The following THSD7A variants were observed in gnomAD, a reference collection of about 807,000 sequenced individuals.
THSD7A encodes thrombospondin type-1 domain-containing protein 7A.
A neutral mutation model predicts 231.3 loss-of-function variants in THSD7A; 96 were observed. The ratio of observed to expected loss-of-function variants is 0.41; its 90% CI spans 0.35 to 0.49. The LOEUF (loss-of-function observed/expected upper bound fraction) is 0.49, where lower values mean the gene tolerates loss of function less well. THSD7A is among the 20% of genes least tolerant of loss of function. The pLI, the probability that THSD7A is intolerant of heterozygous loss-of-function variation, is 0.05. For missense variants in THSD7A, 2,290 were observed against 2,070.2 expected (o/e 1.11, Z -2.06); for synonymous variants, 940 against 743.3 (o/e 1.26, Z -4.30).
Position 11,637,357 on chromosome 7 carries a change from C to T in THSD7A, c.191-396G>A, listed in dbSNP as rs956770825. On this transcript the variant is annotated intron_variant, in intron 1 of 27. Transcript: ENST00000423059. This position sits in a 1 kb window ranked among gnomAD's most constrained non-coding sequence, Gnocchi z 4.2. Reference sequence around the variant, plus strand: ...TTCAGTAACTGGCAAAGAAAATGGCCCCGTGTGAAGAACTTCTCCTGCAGG... The same window carrying T: ...TTCAGTAACTGGCAAAGAAAATGGCTCCGTGTGAAGAACTTCTCCTGCAGG... Among the ~76,000 whole-genome samples the T allele has an allele frequency of 6.6e-6, 1 of 152,120 alleles. No individual in the cohort carries two copies. The highest frequency in any genetic ancestry group is 1.5e-5 in the Non-Finnish European group (1 of 68,022).
chr7:11,487,781 G>A (rs907190859), intron 6 of THSD7A, among the ~76,000 whole-genome samples: 1 of 151,998 alleles, frequency 6.6e-6, no homozygotes, highest in African/African-American at 2.4e-5. Context: ...AACATCATGG[G>A]GGAGACCGAC....
rs2128156142 is a variant in THSD7A at position 11,728,365 on chromosome 7, T to C, written c.191-91404A>G. On this transcript the variant is annotated intron_variant, in intron 1 of 27. Transcript: ENST00000423059. ...AATGTATTGGAGTTTTCCTATACAT[T>C]GATAAAGAGAAGGCAGGAGTATATA... Among the ~76,000 whole-genome samples the C allele has an allele frequency of 1.3e-5, 2 of 152,054 alleles. 1 individual carries two copies. Among genetic ancestry groups the C allele is most frequent in the East Asian group, 3.9e-4 (2 of 5,122 alleles).
rs756964012 is a variant in THSD7A, at chr7:11,417,482, A to G, written c.3505T>C (p.Ser1169Pro). Residue 1169 changes from serine to proline, a missense_variant, in exon 17 of 28, where the codon TCT (serine) becomes CCT (proline). Coordinates refer to ENST00000423059, the MANE Select transcript of THSD7A (RefSeq NM_015204.3). ...CATTGGGTCCATGGACCCCATTCAG[A>G]TATCACACAGTCCTCAGGGCATGGT... ...KLPCPEDCVI[S>P]EWGPWTQCVL... 9.9e-6 allele frequency: 16 copies of G among 1,611,292 alleles called. No individual in the cohort carries two copies. The Admixed American group carries it at 1.5e-4, about 15-fold the overall frequency.
intron 1 of THSD7A, among the ~76,000 whole-genome samples, chr7:11,767,091 AT>A (rs1783054003): frequency 2.0e-5 from 3 of 152,162 alleles, no homozygotes; most frequent in South Asian, 4.1e-4. Context: ...ATGTGCATGT[AT>A]GTTTCTGTGT....
chr7:11,698,087 A>G (rs1780457415), intron 1 of THSD7A, among the ~76,000 whole-genome samples: 1 of 151,402 alleles, frequency 6.6e-6, no homozygotes, highest in Non-Finnish European at 1.5e-5. Context: ...ATCTGCTGGC[A>G]TGTCTGATTC....
At chr7:11,614,882 G>A (rs1001584761) in intron 2 of THSD7A, among the ~76,000 whole-genome samples, 4 of 152,092 alleles carry the variant, frequency 2.6e-5, no homozygotes, top group African/African-American at 9.7e-5. Context: ...GAGACTTTGG[G>A]GAGAAGGTGA....
chr7:11,529,578 A>C (rs1018546528), intron 6 of THSD7A, among the ~76,000 whole-genome samples: 2 of 143,514 alleles, frequency 1.4e-5, no homozygotes, highest in South Asian at 4.7e-4. Context: ...TGATGGTTTT[A>C]AAAGTGTTTG....
chr7:11,441,880 T>A (rs1360661812), intron 13 of THSD7A, among the ~76,000 whole-genome samples: 1 of 151,848 alleles, frequency 6.6e-6, no homozygotes, highest in African/African-American at 2.4e-5. Context: ...ATACCTAATG[T>A]AGACAATAGG....
rs752657368 is a variant in THSD7A, at chr7:11,593,293, G to T, written c.1232C>A (p.Pro411His). The T allele has an allele frequency of 4.3e-6, 7 of 1,613,794 alleles. No homozygotes were observed. The highest frequency in any genetic ancestry group is 1.1e-5 in the South Asian group (1 of 91,080). Residue 411 changes from proline (P) to histidine (H), a missense_variant, in exon 3 of 28, where the codon CCC becomes CAC. Coordinates refer to ENST00000423059, the MANE Select transcript of THSD7A (RefSeq NM_015204.3). ...AACTCCATCTCCTTGAGACAAACAG[G>T]GTTCTTTTTCTTCAAATTCTGGACA... ...KECPEFEEKEPCLSQGDGVVP... is the reference protein window; with the variant it reads ...KECPEFEEKEHCLSQGDGVVP...
chr7:11,577,324 T>A (rs1383357412), intron 4 of THSD7A, among the ~76,000 whole-genome samples: 3 of 152,084 alleles, frequency 2.0e-5, no homozygotes, highest in Non-Finnish European at 4.4e-5. Flanking sequence ...TTTATTTACT[T>A]TTTATTTTTT....
At chr7:11,596,137 C>T (rs911855870) in intron 2 of THSD7A, among the ~76,000 whole-genome samples, 2 of 152,208 alleles carry the variant, frequency 1.3e-5, no homozygotes, top group African/African-American at 2.4e-5. Flanking sequence ...GAGGCTGGGT[C>T]CCCTTGGGGA....
Position 11,593,510 on chromosome 7 carries a change from A to C in THSD7A, c.1023-8T>G, listed in dbSNP as rs781676414. The C allele has an allele frequency of 1.2e-6, 2 of 1,613,456 alleles. No individual in the cohort carries two copies. Among genetic ancestry groups the C allele is most frequent in the Middle Eastern group, 1.7e-4 (1 of 6,060 alleles). ...TTCTCTTGCTGGCAAAAGCTGTAAA[A>C]GAGCATTGATATTCTCATTACAGAC... On this transcript the variant is annotated splice_region_variant and splice_polypyrimidine_tract_variant and intron_variant, in intron 2 of 27. Transcript: ENST00000423059.
At chr7:11,539,825 A>G (rs1489834868) in intron 6 of THSD7A, among the ~76,000 whole-genome samples, 1 of 152,196 alleles carries the variant, frequency 6.6e-6, no homozygotes, top group African/African-American at 2.4e-5. Flanking sequence ...TTAACTTTTT[A>G]GCGTTTTGTT....
intron 16 of THSD7A, among the ~76,000 whole-genome samples, chr7:11,417,889 C>A (rs181192738): frequency 3.4e-4 from 52 of 152,272 alleles, no homozygotes; most frequent in Non-Finnish European, 6.0e-4. Flanking sequence ...GTAAACTCTG[C>A]ATGTTATGCA....
At chr7:11,498,029 C>T (rs1364888304) in intron 6 of THSD7A, among the ~76,000 whole-genome samples, 1 of 152,168 alleles carries the variant, frequency 6.6e-6, no homozygotes, top group Non-Finnish European at 1.5e-5. Context: ...GGCAGAGCAG[C>T]CGCTCAGGCA....
chr7:11,412,561 C>T, intron 18 of THSD7A, 95 bp downstream of exon 18: 2 of 1,419,688 alleles, frequency 1.4e-6, no homozygotes, highest in African/African-American at 2.8e-5. Context: ...CCAAAAGGCA[C>T]ACAGGTAGAG....
At chr7:11,776,122 C>T (rs763367703) in intron 1 of THSD7A, among the ~76,000 whole-genome samples, 41 of 152,168 alleles carry the variant, frequency 2.7e-4, no homozygotes, top group Admixed American at 1.3e-3. Context: ...AAGGGAGATG[C>T]ACTTTCAATG....
At chr7:11,655,445 G>C (rs559554066) in intron 1 of THSD7A, among the ~76,000 whole-genome samples, 2 of 151,802 alleles carry the variant, frequency 1.3e-5, no homozygotes, top group South Asian at 4.1e-4. Flanking sequence ...TCTTCTCTAA[G>C]AATTCTAATC....
intron 1 of THSD7A, among the ~76,000 whole-genome samples, chr7:11,777,406 AAATT>A (rs1783445675): frequency 7.0e-6 from 1 of 143,524 alleles, no homozygotes; most frequent in Non-Finnish European, 1.5e-5. Flanking sequence ...TTTCAGATGT[AAATT>A]AAGTACACAC....
Sources: gnomAD v4.1 joint callset for allele counts (sites outside exome capture counted in the v4.1 genomes callset) on GRCh38, gnomAD v4.1.1 for gene constraint, Gnocchi (gnomAD v3.1) non-coding constraint, MANE v1.5 for transcripts, NCBI Gene and HGNC (gene_info 2026-07-23, HGNC 2026-07-21) for gene names.